The following LDB2 variants were observed in gnomAD, a reference collection of about 807,000 sequenced individuals.
The protein encoded by LDB2 is LIM domain binding 2.
In LDB2, 12 loss-of-function variants were observed where a neutral mutation model predicts 44.3. The ratio of observed to expected loss-of-function variants is 0.27; its 90% CI spans 0.17 to 0.44. The LOEUF (loss-of-function observed/expected upper bound fraction) is 0.44. LDB2 is among the 20% of genes least tolerant of loss of function. LDB2 has a pLI of 1.00. For synonymous variants in LDB2, 164 were observed against 174.8 expected (o/e 0.94, Z 0.49); for missense variants, 344 against 473.5 (o/e 0.73, Z 2.54).
chr4:16,610,307 C>G (rs1725251445), intron 2 of LDB2, among the ~76,000 whole-genome samples: 1 of 152,088 alleles, frequency 6.6e-6, no homozygotes. Flanking sequence ...GCCTCGTCTC[C>G]TCCAAATGAT....
At chr4:16,887,633 G>A (rs1021002209) in intron 1 of LDB2, among the ~76,000 whole-genome samples, 1 of 151,682 alleles carries the variant, frequency 6.6e-6, no homozygotes, top group Non-Finnish European at 1.5e-5. Context: ...ATCTTCACGA[G>A]TCCTAAGAAA....
intron 2 of LDB2, among the ~76,000 whole-genome samples, chr4:16,608,565 C>T (rs906516115): frequency 6.6e-6 from 1 of 152,174 alleles, no homozygotes. Flanking sequence ...TCTGAAATGG[C>T]CCTGGTCAAC....
chr4:16,880,013 C>T (rs965352692), intron 1 of LDB2, among the ~76,000 whole-genome samples: 2 of 152,136 alleles, frequency 1.3e-5, no homozygotes, highest in Admixed American at 1.3e-4. Context: ...CTATGCCAGA[C>T]GTGTTTGCTT....
intron 5 of LDB2, among the ~76,000 whole-genome samples, chr4:16,578,685 C>T (rs1236803902): frequency 6.6e-6 from 1 of 152,084 alleles, no homozygotes; most frequent in African/African-American, 2.4e-5. Flanking sequence ...TCCAGCAATC[C>T]AACTCCATTC....
chr4:16,802,993 C>T (rs780279682), intron 1 of LDB2, among the ~76,000 whole-genome samples: 58 of 152,134 alleles, frequency 3.8e-4, no homozygotes, highest in Non-Finnish European at 6.5e-4. Flanking sequence ...ACCCCTCGAC[C>T]GCTGTCTCCT....
intron 1 of LDB2, among the ~76,000 whole-genome samples, chr4:16,890,250 C>T (rs1561551883): frequency 6.6e-6 from 1 of 152,138 alleles, no homozygotes; most frequent in South Asian, 2.1e-4. Flanking sequence ...GAGTTTAGAG[C>T]TTGTTCTAGG....
At chr4:16,842,305 A>T (rs1786040829) in intron 1 of LDB2, among the ~76,000 whole-genome samples, 1 of 152,216 alleles carries the variant, frequency 6.6e-6, no homozygotes, top group East Asian at 1.9e-4. Context: ...AAGTCAAGAA[A>T]AATCATACAA....
intron 1 of LDB2, among the ~76,000 whole-genome samples, chr4:16,806,464 G>A (rs895800393): frequency 9.8e-5 from 15 of 152,366 alleles, no homozygotes; most frequent in African/African-American, 3.6e-4. Flanking sequence ...GGGCTGGTCT[G>A]AATCCAGTGC....
chr4:16,522,184 G>A (rs1192342367), intron 5 of LDB2, among the ~76,000 whole-genome samples: 2 of 152,138 alleles, frequency 1.3e-5, no homozygotes, highest in African/African-American at 4.8e-5. Flanking sequence ...CTATTACCAA[G>A]AGGGGGGCAG....
chr4:16,844,087 T>TAAAAAAAA (rs71181192), intron 1 of LDB2, among the ~76,000 whole-genome samples: 1 of 117,856 alleles, frequency 8.5e-6, no homozygotes, highest in Non-Finnish European at 1.7e-5. Flanking sequence ...ACCCCATCTC[T>TAAAAAAAA]AAAAAAAAAA....
Position 16,696,315 on chromosome 4 carries a change from T to G in LDB2, c.235+62843A>C, listed in dbSNP as rs193242150. Among the ~76,000 whole-genome samples, 3 of 152,288 alleles carry G rather than the reference T, an allele frequency of 2.0e-5. No individual in the cohort carries two copies. The East Asian group carries it at 5.8e-4, about 29-fold the overall frequency. On this transcript the variant is annotated intron_variant, in intron 2 of 7. Coordinates refer to ENST00000304523, the MANE Select transcript of LDB2 (RefSeq NM_001290.5). ...CAGAGCCTAGAGACAGGCTAACCCATCGTCCCTTAACCAGCACAGCTCAAA... is the reference window on the plus strand; with the variant it reads ...CAGAGCCTAGAGACAGGCTAACCCAGCGTCCCTTAACCAGCACAGCTCAAA...
At chr4:16,752,882 G>GAA (rs201089189) in intron 2 of LDB2, among the ~76,000 whole-genome samples, 2,334 of 141,736 alleles carry the variant, frequency 0.016, 34 homozygotes, top group African/African-American at 0.04. Context: ...TCAATGGATG[G>GAA]AAAAAAAAAA....
At position 16,693,347 on chromosome 4, in the gene LDB2, C is replaced by CTTTTTTT. The variant is rs71181181; in HGVS notation, c.235+65804_235+65810dup. Among the ~76,000 whole-genome samples the CTTTTTTT allele has an allele frequency of 1.2e-3, 138 of 112,092 alleles. 3 individuals are homozygous for CTTTTTTT. The highest frequency in any genetic ancestry group is 0.011 in the East Asian group (36 of 3,292). The allele number at this position is 112,092 out of a possible 152,430, so 73.5% of individuals were successfully genotyped here. A position where few individuals can be genotyped will look rare whatever the true frequency, so the allele number is the denominator to read the frequency against. On this transcript the variant is annotated intron_variant, in intron 2 of 7. Transcript: ENST00000304523. Reference sequence around the variant, plus strand: ...CTACTTGTTCCCTAGAGCAATAGTTCTTTTTTTTTTTTTTTTTTTTTTGAG... The same window carrying CTTTTTTT: ...CTACTTGTTCCCTAGAGCAATAGTTCTTTTTTTTTTTTTTTTTTTTTTTTTTTTTGAG...
intron 5 of LDB2, among the ~76,000 whole-genome samples, chr4:16,545,026 T>A (rs946989492): frequency 5.3e-5 from 8 of 152,022 alleles, no homozygotes; most frequent in Non-Finnish European, 8.8e-5. Flanking sequence ...CAAGACAGCA[T>A]GATGCCCATA....
intron 1 of LDB2, among the ~76,000 whole-genome samples, chr4:16,799,834 G>C (rs1777431416): frequency 6.6e-6 from 1 of 152,090 alleles, no homozygotes; most frequent in Non-Finnish European, 1.5e-5. Context: ...TCCAGTATAA[G>C]TATGTCCGAT....
chr4:16,886,051 A>G (rs1721599954), intron 1 of LDB2, among the ~76,000 whole-genome samples: 1 of 152,014 alleles, frequency 6.6e-6, no homozygotes, highest in South Asian at 2.1e-4. Flanking sequence ...TTCTATCTCT[A>G]CAATTTTTTT....
At chr4:16,870,322 T>C (rs908468791) in intron 1 of LDB2, among the ~76,000 whole-genome samples, 5 of 152,174 alleles carry the variant, frequency 3.3e-5, no homozygotes, top group Admixed American at 2.6e-4. Flanking sequence ...TGGTTAGAAT[T>C]GGAAGGAAGT....
At chr4:16,871,395 T>C (rs1407420730) in intron 1 of LDB2, among the ~76,000 whole-genome samples, 1 of 152,118 alleles carries the variant, frequency 6.6e-6, no homozygotes, top group Non-Finnish European at 1.5e-5. Context: ...TAATATGAAT[T>C]AAGTATGAAA....
At chr4:16,617,014 C>T (rs1727522976) in intron 2 of LDB2, among the ~76,000 whole-genome samples, 1 of 152,092 alleles carries the variant, frequency 6.6e-6, no homozygotes, top group African/African-American at 2.4e-5. Context: ...CTTTCCTCTC[C>T]CCCAAGGATT....
Sources: allele counts gnomAD v4.1 joint callset (sites outside exome capture counted in the v4.1 genomes callset), GRCh38; gene constraint gnomAD v4.1.1; transcripts MANE v1.5; gene names NCBI Gene and HGNC (gene_info 2026-07-23, HGNC 2026-07-21).